The following PPP1CB variants were observed in gnomAD, a reference collection of about 807,000 sequenced individuals.
PPP1CB encodes the protein serine/threonine-protein phosphatase PP1-beta catalytic subunit.
A neutral mutation model predicts 43.7 loss-of-function variants in PPP1CB; 2 were observed. That is an observed-to-expected ratio of 0.05 (90% CI 0.02 to 0.14). The LOEUF (loss-of-function observed/expected upper bound fraction) is 0.14, where lower values mean the gene tolerates loss of function less well. PPP1CB is among the 10% of genes least tolerant of loss of function. The pLI is 1.00. For missense variants in PPP1CB, 84 were observed against 398.0 expected (o/e 0.21, Z 6.71); for synonymous variants, 136 against 135.6 (o/e 1.00, Z -0.02).
At chr2:28,759,879 A>T in intron 1 of PPP1CB, among the ~76,000 whole-genome samples, 1 of 152,242 alleles carries the variant, frequency 6.6e-6, no homozygotes, top group Non-Finnish European at 1.5e-5. Flanking sequence ...TCGGCCTCCC[A>T]AAGTGTTGGG....
At chr2:28,759,672 C>T (rs1434388817) in intron 1 of PPP1CB, among the ~76,000 whole-genome samples, 2 of 149,914 alleles carry the variant, frequency 1.3e-5, no homozygotes, top group African/African-American at 4.9e-5. Flanking sequence ...GGCTGGAGTG[C>T]AGTGACGCGA....
chr2:28,788,204 T>G (rs529678392), intron 5 of PPP1CB, among the ~76,000 whole-genome samples: 4 of 152,240 alleles, frequency 2.6e-5, no homozygotes, highest in African/African-American at 9.6e-5. Context: ...TAAAGACTTA[T>G]TAAAAAGCTC....
intron 1 of PPP1CB, among the ~76,000 whole-genome samples, chr2:28,773,636 GC>G (rs1353220066): frequency 6.7e-6 from 1 of 150,260 alleles, no homozygotes; most frequent in Non-Finnish European, 1.5e-5. Flanking sequence ...CAGTCTAGTT[GC>G]CCTGTGTAAC....
Position 28,778,942 on chromosome 2 carries a change from A to G in PPP1CB, c.318A>G (p.Leu106=), listed in dbSNP as rs907605463. The G allele has an allele frequency of 1.2e-6, 2 of 1,611,660 alleles. No individual in the cohort carries two copies. Among genetic ancestry groups the G allele is most frequent in the African/African-American group, 1.3e-5 (1 of 74,888 alleles). ...AGTCTTTGGAAACCATTTGTTTGCT[A>G]TTGGCTTATAAAATCAAATATCCAG... is the stretch of plus-strand genomic sequence containing the variant. ...GKQSLETICL[L]LAYKIKYPEN... The change falls in exon 3 of 8, where the codon CTA becomes CTG. Residue 106 remains leucine, a synonymous_variant. Coordinates refer to ENST00000395366, the MANE Select transcript of PPP1CB (RefSeq NM_002709.3).
In PPP1CB at chr2:28,752,186, C is replaced by T. The variant is rs1189354406; in HGVS notation, c.52+10C>T. On this transcript the variant is annotated intron_variant, in intron 1 of 7. Transcript: ENST00000395366. ...ACCCGGCTGCTGGAGGGTGAGTGCG[C>T]GCCTGGCCGCGGGACAGAGGGAGGT... 3.2e-6 allele frequency: 5 copies of T among 1,540,880 alleles called. No homozygotes were observed. The highest frequency in any genetic ancestry group is 1.7e-4 in the Middle Eastern group (1 of 5,748).
intron 3 of PPP1CB, among the ~76,000 whole-genome samples, chr2:28,781,170 C>G (rs954030803): frequency 1.3e-5 from 2 of 152,038 alleles, no homozygotes; most frequent in Non-Finnish European, 2.9e-5. Flanking sequence ...CATAAAACAC[C>G]TAGCACAATC....
chr2:28,776,757 CTT>C, intron 1 of PPP1CB, 92 bp from the exon 2 acceptor site: 1 of 1,231,192 alleles, frequency 8.1e-7, no homozygotes, highest in South Asian at 1.6e-5. Context: ...GCCTGTGTGA[CTT>C]TTCTGATTTT....
rs1666310880 is a variant in PPP1CB at position 28,752,149 on chromosome 2, G to A, written c.25G>A (p.Asp9Asn). The change falls in exon 1 of 8, where the codon GAC becomes AAC. Residue 9 changes from aspartate to asparagine, a missense_variant. Physicochemically the swap from Asp to Asn is conservative, Grantham distance 23. This residue lies in a region of PPP1CB where 27 missense variants were observed against 42.7 expected (regional missense o/e 0.63). Transcript: ENST00000395366. ...GATGGCGGACGGGGAGCTGAACGTG[G>A]ACAGCCTCATCACCCGGCTGCTGGA... MADGELNV[D>N]SLITRLLEVR... 1 of 1,549,126 alleles carries A rather than the reference G, an allele frequency of 6.5e-7. No homozygotes were observed. Among genetic ancestry groups the A allele is most frequent in the Admixed American group, 2.0e-5 (1 of 50,914 alleles).
chr2:28,798,940 A>C (rs917228666), intron 7 of PPP1CB, among the ~76,000 whole-genome samples: 2 of 112,716 alleles, frequency 1.8e-5, no homozygotes, highest in African/African-American at 6.7e-5. Context: ...ACAGAGATAC[A>C]CTAAGTTCAA....
At chr2:28,784,709 G>A (rs116111864) in intron 5 of PPP1CB, among the ~76,000 whole-genome samples, 2,562 of 151,752 alleles carry the variant, frequency 0.017, 64 homozygotes, top group African/African-American at 0.057. Context: ...ACTTGAGGTC[G>A]GGAGTTCCAG....
chr2:28,794,568 A>G (rs1446105199), intron 7 of PPP1CB, among the ~76,000 whole-genome samples: 1 of 151,934 alleles, frequency 6.6e-6, no homozygotes, highest in Non-Finnish European at 1.5e-5. Context: ...GCATGCACCT[A>G]TAGTCCCAGC....
At chr2:28,791,562 T>G (rs1003253165) in intron 6 of PPP1CB, among the ~76,000 whole-genome samples, 1 of 152,098 alleles carries the variant, frequency 6.6e-6, no homozygotes, top group Non-Finnish European at 1.5e-5. Context: ...ACTCCTGACC[T>G]CGTGATCTGC....
chr2:28,756,586 C>T (rs1270229877), intron 1 of PPP1CB, among the ~76,000 whole-genome samples: 3 of 152,202 alleles, frequency 2.0e-5, no homozygotes, highest in African/African-American at 7.2e-5. Flanking sequence ...TGGTCTCAAT[C>T]GATCCTTCTG....
intron 1 of PPP1CB, among the ~76,000 whole-genome samples, chr2:28,762,611 T>G (rs1280404410): frequency 6.6e-6 from 1 of 152,244 alleles, no homozygotes; most frequent in South Asian, 2.1e-4. Context: ...GGTGGTTTTT[T>G]AAAGGTGAAT....
chr2:28,778,943 T>C lies in PPP1CB; in HGVS notation c.319T>C (p.Leu107=), dbSNP rs944465606. 4 of 1,611,774 alleles carry C rather than the reference T, an allele frequency of 2.5e-6. No homozygotes were observed. Among genetic ancestry groups the C allele is most frequent in the African/African-American group, 1.3e-5 (1 of 74,882 alleles). The part of the protein sequence containing the change: ...KQSLETICLL[L]AYKIKYPENF... ...GTCTTTGGAAACCATTTGTTTGCTA[T>C]TGGCTTATAAAATCAAATATCCAGA... The change falls in exon 3 of 8, where the codon TTG becomes CTG. Residue 107 remains leucine, a synonymous_variant. Transcript: ENST00000395366.
chr2:28,761,455 A>G (rs1666645068), intron 1 of PPP1CB, among the ~76,000 whole-genome samples: 1 of 152,224 alleles, frequency 6.6e-6, no homozygotes, highest in South Asian at 2.1e-4. Context: ...TCTTCTGCAT[A>G]TATGATAGTA....
intron 1 of PPP1CB, among the ~76,000 whole-genome samples, chr2:28,767,023 G>A (rs1012798094): frequency 3.3e-5 from 5 of 151,276 alleles, no homozygotes; most frequent in Non-Finnish European, 7.4e-5. Flanking sequence ...AGAGCTTGCA[G>A]TGAGCCGAGA....
chr2:28,788,758 C>T lies in PPP1CB; in HGVS notation c.693C>T (p.Val231=), dbSNP rs1185211043. ...CCTTTACTTTTGGAGCTGATGTAGT[C>T]AGTAAATTTCTGAATCGTCATGATT... The part of the protein sequence containing the change: ...GVSFTFGADV[V]SKFLNRHDLD... Residue 231 remains valine (V), a synonymous_variant, in exon 6 of 8, where the codon GTC becomes GTT. Coordinates refer to ENST00000395366, the MANE Select transcript of PPP1CB (RefSeq NM_002709.3). 1 of 1,613,474 alleles carries T rather than the reference C, an allele frequency of 6.2e-7. No homozygotes were observed. The highest frequency in any genetic ancestry group is 8.5e-7 in the Non-Finnish European group (1 of 1,179,808).
Position 28,800,095 on chromosome 2 carries a change from A to T in PPP1CB, c.*792A>T, listed in dbSNP as rs1394525500. On this transcript the variant is annotated 3_prime_UTR_variant, in exon 8 of 8. Coordinates refer to ENST00000395366, the MANE Select transcript of PPP1CB (RefSeq NM_002709.3). Reference sequence around the variant, plus strand: ...TTTAAGATAAGGCTCATATAGTATTACCCAACTAGTTGGTAATGTGATTAT... The same window carrying T: ...TTTAAGATAAGGCTCATATAGTATTTCCCAACTAGTTGGTAATGTGATTAT... 1.3e-5 allele frequency: 2 copies of T among 152,436 alleles called. No homozygotes were observed. The allele number at this position is 152,436 out of a possible 1,614,324, so 9.4% of individuals were successfully genotyped here.
Sources: allele counts gnomAD v4.1 joint callset (sites outside exome capture counted in the v4.1 genomes callset), GRCh38; gene constraint gnomAD v4.1.1; regional missense constraint gnomAD v4.1.1; transcripts MANE v1.5; gene names NCBI Gene and HGNC (gene_info 2026-07-23, HGNC 2026-07-21).